Variants in ATG10 observed in about 807,000 individuals in gnomAD.
The protein encoded by ATG10 is ubiquitin-like-conjugating enzyme ATG10.
A neutral mutation model predicts 32.1 loss-of-function variants in ATG10; 30 were observed. The ratio of observed to expected loss-of-function variants is 0.94; its 90% CI spans 0.70 to 1.27. The LOEUF (loss-of-function observed/expected upper bound fraction) is 1.27, where lower values mean the gene tolerates loss of function less well. Among genes scored for constraint, ATG10 ranks in the 50% most tolerant of loss-of-function variants. The probability of loss-of-function intolerance (pLI) is 0.00; values close to 1 mark genes in which losing one functional copy is unlikely to be tolerated. For missense variants in ATG10, 233 were observed against 262.3 expected, an observed-to-expected ratio of 0.89 and a Z score of 0.77; for synonymous variants, 87 against 91.5, an observed-to-expected ratio of 0.95 and a Z score of 0.28.
intron 1 of ATG10, among the ~76,000 whole-genome samples, chr5:81,984,834 AAAAC>A (rs1561239224): frequency 6.6e-6 from 1 of 152,244 alleles, no homozygotes; most frequent in Non-Finnish European, 1.5e-5. Context: ...CTTGATCAAA[AAAAC>A]AATAATTATT....
At chr5:81,990,028 C>T (rs1042584041) in intron 2 of ATG10, among the ~76,000 whole-genome samples, 1 of 152,058 alleles carries the variant, frequency 6.6e-6, no homozygotes, top group African/African-American at 2.4e-5. Context: ...TCAGTGGTTT[C>T]TCTTGGGTCT....
At chr5:82,154,564 C>T (rs1767736468) in intron 3 of ATG10, among the ~76,000 whole-genome samples, 1 of 152,088 alleles carries the variant, frequency 6.6e-6, no homozygotes, top group Admixed American at 6.6e-5. Context: ...GGGATTGAAC[C>T]CACATCTAGC....
intron 5 of ATG10, among the ~76,000 whole-genome samples, chr5:82,246,210 A>G (rs1411808483): frequency 6.6e-6 from 1 of 151,822 alleles, no homozygotes; most frequent in African/African-American, 2.4e-5. Context: ...ATCTGGGACT[A>G]CAGGCGCCTG....
At position 82,090,937 on chromosome 5, in the gene ATG10, T is replaced by A. The variant is rs324912; in HGVS notation, c.216+32335T>A. 1.3e-5 allele frequency among the ~76,000 whole-genome samples: 2 copies of A among 152,036 alleles called. 1 individual carries two copies. Among genetic ancestry groups the A allele is most frequent in the South Asian group, 4.1e-4 (2 of 4,824 alleles). On this transcript the variant is annotated intron_variant, in intron 3 of 7. Transcript: ENST00000282185. ...TGCTTTTTAATATAATTAGGAAAAT[T>A]TCCCTCCTTCAATGCAGGTGATTTT...
At chr5:82,190,031 T>C (rs1744597161) in intron 5 of ATG10, among the ~76,000 whole-genome samples, 3 of 152,170 alleles carry the variant, frequency 2.0e-5, no homozygotes, top group African/African-American at 7.2e-5. Flanking sequence ...TTACTTTGCC[T>C]GCCTGTCTTC....
intron 5 of ATG10, among the ~76,000 whole-genome samples, chr5:82,212,970 C>T (rs529100398): frequency 5.3e-5 from 8 of 152,264 alleles, no homozygotes; most frequent in Admixed American, 2.0e-4. Flanking sequence ...TTTATCTAAA[C>T]CAGCAATACG....
intron 3 of ATG10, among the ~76,000 whole-genome samples, chr5:82,086,761 G>T (rs866601692): frequency 3.3e-5 from 5 of 152,152 alleles, no homozygotes; most frequent in Non-Finnish European, 7.4e-5. Context: ...TGGTAGAAGT[G>T]GGGGAGAGAA....
chr5:82,105,639 G>A (rs1765425374), intron 3 of ATG10, among the ~76,000 whole-genome samples: 1 of 152,116 alleles, frequency 6.6e-6, no homozygotes, highest in African/African-American at 2.4e-5. Flanking sequence ...ATGAGTCAGA[G>A]GGAGTCTGGG....
intron 2 of ATG10, among the ~76,000 whole-genome samples, chr5:82,050,871 C>T (rs908571018): frequency 9.4e-6 from 1 of 106,240 alleles, no homozygotes; most frequent in African/African-American, 3.5e-5. Flanking sequence ...AAAAAAAAAT[C>T]AGCCAGATGT....
chr5:82,195,011 C>T (rs563212523), intron 5 of ATG10, among the ~76,000 whole-genome samples: 134 of 152,324 alleles, frequency 8.8e-4, no homozygotes, highest in African/African-American at 3.1e-3. Flanking sequence ...ACCCAGGTCA[C>T]CCCATCTTCC....
At chr5:82,098,052 G>A (rs905672624) in intron 3 of ATG10, among the ~76,000 whole-genome samples, 8 of 152,090 alleles carry the variant, frequency 5.3e-5, no homozygotes, top group African/African-American at 1.7e-4. Context: ...AACAGTGGCC[G>A]CTTGACCATC....
At chr5:81,974,023 C>T (rs1189018957) in intron 1 of ATG10, among the ~76,000 whole-genome samples, 2 of 152,076 alleles carry the variant, frequency 1.3e-5, no homozygotes, top group Non-Finnish European at 2.9e-5. Context: ...AACTACATGT[C>T]GACAGTAGTT....
At chr5:82,221,104 C>G (rs181631882) in intron 5 of ATG10, among the ~76,000 whole-genome samples, 1 of 152,262 alleles carries the variant, frequency 6.6e-6, no homozygotes, top group Admixed American at 6.5e-5. Context: ...TTATTGACTT[C>G]AGGCCTTTGC....
At chr5:82,006,668 A>T (rs1295693460) in intron 2 of ATG10, among the ~76,000 whole-genome samples, 1 of 152,186 alleles carries the variant, frequency 6.6e-6, no homozygotes, top group Non-Finnish European at 1.5e-5. Context: ...TAAAATGCAC[A>T]TAATGTAAAT....
At chr5:82,048,758 C>T (rs1188617033) in intron 2 of ATG10, among the ~76,000 whole-genome samples, 1 of 152,054 alleles carries the variant, frequency 6.6e-6, no homozygotes, top group African/African-American at 2.4e-5. Flanking sequence ...AGACACTTCT[C>T]AGAAGAAGAC....
intron 7 of ATG10, among the ~76,000 whole-genome samples, chr5:82,253,857 C>T (rs1400163209): frequency 2.6e-5 from 4 of 152,278 alleles, no homozygotes; most frequent in African/African-American, 4.8e-5. Context: ...ATCTCCCATT[C>T]GGTCTGTGAA....
At chr5:82,180,158 G>T (rs566186708) in intron 5 of ATG10, among the ~76,000 whole-genome samples, 1 of 152,212 alleles carries the variant, frequency 6.6e-6, no homozygotes, top group Non-Finnish European at 1.5e-5. Flanking sequence ...CTTTGCCTGG[G>T]CATCAGAGGT....
intron 5 of ATG10, among the ~76,000 whole-genome samples, chr5:82,233,298 G>A (rs1746435842): frequency 6.6e-6 from 1 of 152,086 alleles, no homozygotes; most frequent in Non-Finnish European, 1.5e-5. Flanking sequence ...CCAATGTTCT[G>A]ATCTGAGCCT....
chr5:82,007,275 C>T (rs777426621), intron 2 of ATG10, among the ~76,000 whole-genome samples: 1 of 152,110 alleles, frequency 6.6e-6, no homozygotes, highest in Non-Finnish European at 1.5e-5. Flanking sequence ...AATTACATAG[C>T]CTCGTTCTAT....
Sources: gnomAD v4.1 joint callset for allele counts (sites outside exome capture counted in the v4.1 genomes callset) on GRCh38, gnomAD v4.1.1 for gene constraint, MANE v1.5 for transcripts, NCBI Gene and HGNC (gene_info 2026-07-23, HGNC 2026-07-21) for gene names.